Variants in CCDC91 observed in about 807,000 individuals in gnomAD.
CCDC91 encodes the protein coiled-coil domain-containing protein 91.
Under a neutral mutation model 63.2 loss-of-function variants are expected in CCDC91, and 48 were observed. That is an observed-to-expected ratio of 0.76 (90% CI 0.60 to 0.97). The LOEUF is 0.97. CCDC91 is among the 50% of genes least tolerant of loss of function. The pLI is 0.00. For missense variants in CCDC91, 500 were observed against 494.6 expected (o/e 1.01, Z -0.10); for synonymous variants, 167 against 165.8 (o/e 1.01, Z -0.06).
intron 8 of CCDC91, among the ~76,000 whole-genome samples, chr12:28,436,302 C>G (rs977885879): frequency 5.9e-5 from 9 of 151,614 alleles, no homozygotes; most frequent in African/African-American, 2.2e-4. Context: ...AAAGTTTGTA[C>G]TGTACATTTA....
intron 3 of CCDC91, 24 bp from the exon 4 acceptor site, chr12:28,305,625 T>TTTG (rs780034069): frequency 3.1e-6 from 5 of 1,599,310 alleles, no homozygotes; most frequent in Non-Finnish European, 4.3e-6. Context: ...TCCTATCCTT[T>TTTG]TTGTTGTTGT....
intron 8 of CCDC91, among the ~76,000 whole-genome samples, chr12:28,439,526 C>T (rs1414733861): frequency 1.3e-5 from 2 of 151,992 alleles, no homozygotes; most frequent in African/African-American, 4.8e-5. Flanking sequence ...TATACTAACC[C>T]CCTCCACACA....
chr12:28,200,267 T>C (rs998909545), intron 1 of CCDC91, among the ~76,000 whole-genome samples: 3 of 151,326 alleles, frequency 2.0e-5, no homozygotes, highest in African/African-American at 7.3e-5. Flanking sequence ...TGGTAGCTTT[T>C]CTATGTTTCT....
chr12:28,455,571 A>T (rs1474151296), intron 11 of CCDC91, among the ~76,000 whole-genome samples: 2 of 152,176 alleles, frequency 1.3e-5, no homozygotes, highest in East Asian at 3.8e-4. Flanking sequence ...TTATCTGATA[A>T]CAATAAGGGA....
At chr12:28,299,430 C>T (rs1937789489) in intron 3 of CCDC91, among the ~76,000 whole-genome samples, 2 of 151,550 alleles carry the variant, frequency 1.3e-5, no homozygotes, top group South Asian at 4.1e-4. Flanking sequence ...GTTCTTACCC[C>T]TCCCTCTCTC....
intron 7 of CCDC91, among the ~76,000 whole-genome samples, chr12:28,378,806 G>C (rs943900793): frequency 1.3e-5 from 2 of 152,038 alleles, no homozygotes; most frequent in African/African-American, 4.8e-5. Context: ...TGATTGGTTT[G>C]GAGCTAAGGA....
chr12:28,354,374 T>C (rs1415804031), intron 6 of CCDC91, among the ~76,000 whole-genome samples: 1 of 152,184 alleles, frequency 6.6e-6, no homozygotes, highest in East Asian at 1.9e-4. Context: ...TACCAATAAT[T>C]GGACTTTGGG....
rs148752420 is a variant in CCDC91 at position 28,511,764 on chromosome 12, G to A, written c.1215+27599G>A. On this transcript the variant is annotated intron_variant, in intron 12 of 12. Coordinates refer to ENST00000536442, the MANE Select transcript of CCDC91 (RefSeq NM_018318.5). ...GTCTGCGCACTCATATGTCAATTTT[G>A]TGTTGGAAAAAAAATGATGTGGTCC... Among the ~76,000 whole-genome samples, 8 of 151,910 alleles carry A rather than the reference G, an allele frequency of 5.3e-5. No homozygotes were observed. In the East Asian group the frequency reaches 1.6e-3, roughly 30 times the overall value.
At chr12:28,352,516 G>A (rs1417676867) in intron 6 of CCDC91, among the ~76,000 whole-genome samples, 1 of 152,170 alleles carries the variant, frequency 6.6e-6, no homozygotes, top group Non-Finnish European at 1.5e-5. Context: ...ATCTTCACCA[G>A]AAGTAGATTC....
chr12:28,422,532 T>C (rs1948073788), intron 8 of CCDC91, among the ~76,000 whole-genome samples: 1 of 152,098 alleles, frequency 6.6e-6, no homozygotes, highest in Non-Finnish European at 1.5e-5. Flanking sequence ...AAAGTGTGCC[T>C]TGAGACCCTT....
At chr12:28,240,109 C>A (rs1240640592) in intron 1 of CCDC91, among the ~76,000 whole-genome samples, 1 of 152,162 alleles carries the variant, frequency 6.6e-6, no homozygotes, top group African/African-American at 2.4e-5. Flanking sequence ...GCAGTGTCAT[C>A]ATGAGTTATT....
At chr12:28,352,591 T>C (rs1943255527) in intron 6 of CCDC91, among the ~76,000 whole-genome samples, 3 of 152,222 alleles carry the variant, frequency 2.0e-5, no homozygotes, top group South Asian at 4.1e-4. Context: ...TCGAGTGTTA[T>C]GTAATTGCAG....
At chr12:28,521,967 C>T (rs529416392) in intron 12 of CCDC91, among the ~76,000 whole-genome samples, 30 of 152,184 alleles carry the variant, frequency 2.0e-4, no homozygotes, top group South Asian at 1.2e-3. Context: ...CTGCTGGATT[C>T]GGTTTGCCAG....
intron 8 of CCDC91, among the ~76,000 whole-genome samples, chr12:28,401,741 A>G (rs1592561919): frequency 6.6e-6 from 1 of 152,216 alleles, no homozygotes; most frequent in Non-Finnish European, 1.5e-5. Context: ...GAGCCAAACT[A>G]TATCAATCAT....
chr12:28,231,661 A>AC (rs1323197498), intron 1 of CCDC91, among the ~76,000 whole-genome samples: 2 of 151,844 alleles, frequency 1.3e-5, no homozygotes, highest in African/African-American at 4.8e-5. Flanking sequence ...ACATGTTTTT[A>AC]CCCCCTCCTT....
At chr12:28,419,834 A>G (rs376981485) in intron 8 of CCDC91, among the ~76,000 whole-genome samples, 16 of 151,482 alleles carry the variant, frequency 1.1e-4, no homozygotes, top group Admixed American at 3.3e-4. Flanking sequence ...ATGGCTCACC[A>G]TAGCCTTAAC....
intron 6 of CCDC91, among the ~76,000 whole-genome samples, chr12:28,336,420 A>G (rs973746102): frequency 6.6e-6 from 1 of 151,734 alleles, no homozygotes; most frequent in Non-Finnish European, 1.5e-5. Context: ...GCTGTGTATT[A>G]TACATATTAG....
At position 28,452,518 on chromosome 12, in the gene CCDC91, TAGA is replaced by T. The variant is rs1418196410; in HGVS notation, c.973_975del (p.Glu325del). On this transcript the variant is annotated inframe_deletion, in exon 11 of 13. Transcript: ENST00000536442. ...GTGAAGGATGCAGTTTTAAAAGTCG[TAGA>T]AGAAGAAAGAAAAAATTTAGAAAAA... 8 of 1,586,628 alleles carry T rather than the reference TAGA, an allele frequency of 5.0e-6. No individual in the cohort carries two copies. The Admixed American group carries it at 1.3e-4, about 25-fold the overall frequency.
At chr12:28,430,960 T>C (rs1948595943) in intron 8 of CCDC91, among the ~76,000 whole-genome samples, 1 of 152,150 alleles carries the variant, frequency 6.6e-6, no homozygotes, top group Non-Finnish European at 1.5e-5. Context: ...TTGCTCAGTA[T>C]TGCCATTGAC....
Sources: allele counts gnomAD v4.1 joint callset (sites outside exome capture counted in the v4.1 genomes callset), GRCh38; gene constraint gnomAD v4.1.1; transcripts MANE v1.5; gene names NCBI Gene and HGNC (gene_info 2026-07-23, HGNC 2026-07-21).